The following PLXNC1 variants were observed in gnomAD, a reference collection of about 807,000 sequenced individuals.
PLXNC1 encodes plexin-C1.
In PLXNC1, 75 loss-of-function variants were observed where a neutral mutation model predicts 178.2. The observed-to-expected ratio is 0.42, with a 90% confidence interval of 0.35 to 0.51. The LOEUF is 0.51. PLXNC1 is among the 20% of genes least tolerant of loss of function. PLXNC1 has a pLI of 0.02. For missense variants in PLXNC1, 1,503 were observed against 1,984.4 expected (o/e 0.76, Z 4.61); for synonymous variants, 790 against 779.9 (o/e 1.01, Z -0.22).
At position 94,223,761 on chromosome 12, in the gene PLXNC1, C is replaced by T. The variant is rs192826513; in HGVS notation, c.1703-467C>T. 1.4e-3 allele frequency among the ~76,000 whole-genome samples: 220 copies of T among 152,218 alleles called. 3 individuals carry two copies. The highest frequency in any genetic ancestry group is 2.9e-3 in the East Asian group (15 of 5,190). On this transcript the variant is annotated intron_variant, in intron 6 of 30. Coordinates refer to ENST00000258526, the MANE Select transcript of PLXNC1 (RefSeq NM_005761.3). ...CCCCAAGAAGATCGTGGAACCCAGC[C>T]CATGGAAACTACACTTTAGAGTATG...
Position 94,252,184 on chromosome 12 carries a change from A to G in PLXNC1, c.2881+656A>G, listed in dbSNP as rs192657321. 2.0e-4 allele frequency among the ~76,000 whole-genome samples: 30 copies of G among 152,158 alleles called. No individual in the cohort carries two copies. The East Asian group carries it at 3.1e-3, about 16-fold the overall frequency. ...TTCTCTGGGATTTTGGGCTCCCAGG[A>G]CTTGGTTATTTCATCTTGACCACCC... On this transcript the variant is annotated intron_variant, in intron 15 of 30. Transcript: ENST00000258526.
intron 9 of PLXNC1, 62 bp from the exon 10 acceptor site, chr12:94,237,602 T>A: frequency 6.7e-7 from 1 of 1,501,448 alleles, no homozygotes; most frequent in Admixed American, 1.8e-5. Context: ...ATAAACAGAT[T>A]TTTTTGGAGC....
intron 23 of PLXNC1, among the ~76,000 whole-genome samples, chr12:94,293,028 C>T (rs762443920): frequency 4.6e-5 from 7 of 152,140 alleles, no homozygotes; most frequent in Non-Finnish European, 8.8e-5. Flanking sequence ...AAATATCTAA[C>T]ATGATAGTTT....
intron 4 of PLXNC1, among the ~76,000 whole-genome samples, chr12:94,203,049 C>T (rs1963189301): frequency 6.6e-6 from 1 of 152,044 alleles, no homozygotes; most frequent in Non-Finnish European, 1.5e-5. Flanking sequence ...AGCGGGAGAC[C>T]TCATTTGGCT....
Position 94,306,700 on chromosome 12 carries a change from G to C in PLXNC1, c.*1415G>C, listed in dbSNP as rs1969057262. ...TGAAATCATTTACCAACACTGTATG[G>C]AGCATTAGGATTTAAATATGAATTT... On this transcript the variant is annotated 3_prime_UTR_variant, in exon 31 of 31. Transcript: ENST00000258526. 1 of 152,130 alleles carries C rather than the reference G, an allele frequency of 6.6e-6. No homozygotes were observed. Among genetic ancestry groups the C allele is most frequent in the Non-Finnish European group, 1.5e-5 (1 of 68,032 alleles). The allele number at this position is 152,130 out of a possible 1,614,324, so 9.4% of individuals were successfully genotyped here. A position where few individuals can be genotyped will look rare whatever the true frequency, so the allele number is the denominator to read the frequency against.
chr12:94,149,604 G>T lies in PLXNC1; in HGVS notation c.633G>T (p.Glu211Asp). 2 of 1,579,658 alleles carry T rather than the reference G, an allele frequency of 1.3e-6. No homozygotes were observed. The change falls in exon 1 of 31, where the codon GAG becomes GAT. Residue 211 changes from glutamate to aspartate, a missense_variant. Transcript: ENST00000258526. ...CGGCCATCGCGCTCAAGGACACGGA[G>T]GGGCGCAGCCTGGCCACGCAGGAGC... is the stretch of plus-strand genomic sequence containing the variant. ...HDTAIALKDT[E>D]GRSLATQELG...
intron 5 of PLXNC1, among the ~76,000 whole-genome samples, chr12:94,210,726 T>C (rs955979833): frequency 6.6e-6 from 1 of 152,222 alleles, no homozygotes; most frequent in African/African-American, 2.4e-5. Flanking sequence ...TTTAAAGTTA[T>C]TTGGCTGTTG....
intron 2 of PLXNC1, among the ~76,000 whole-genome samples, chr12:94,175,558 G>T (rs981901882): frequency 2.6e-5 from 4 of 152,130 alleles, no homozygotes; most frequent in Non-Finnish European, 5.9e-5. Context: ...AAATCCCAAG[G>T]CTCGTTAATA....
chr12:94,190,613 C>T (rs560640749), intron 4 of PLXNC1, among the ~76,000 whole-genome samples: 1 of 152,174 alleles, frequency 6.6e-6, no homozygotes, highest in Non-Finnish European at 1.5e-5. Context: ...CATTTAAAAT[C>T]CAAATCAGAT....
chr12:94,150,461 C>G (rs1357187090), intron 1 of PLXNC1, among the ~76,000 whole-genome samples: 4 of 152,214 alleles, frequency 2.6e-5, no homozygotes, highest in Non-Finnish European at 4.4e-5. Context: ...CAACAGTTAG[C>G]AACACAGTGC....
In PLXNC1 at chr12:94,281,237, C is replaced by T. The variant is rs377149359; in HGVS notation, c.3776-1061C>T. Among the ~76,000 whole-genome samples the T allele has an allele frequency of 1.1e-4, 16 of 152,258 alleles. 1 individual carries two copies. The South Asian group carries it at 3.3e-3, about 32-fold the overall frequency. On this transcript the variant is annotated intron_variant, in intron 22 of 30. Coordinates refer to ENST00000258526, the MANE Select transcript of PLXNC1 (RefSeq NM_005761.3). ...GAGGTTGCAGTGAGCCCAGATTGCG[C>T]CACTGTACTCCAGCCTGGGCAATGG...
At chr12:94,294,426 G>A in intron 23 of PLXNC1, 60 bp from the exon 24 acceptor site, 2 of 718,630 alleles carry the variant, frequency 2.8e-6, no homozygotes, top group Admixed American at 2.3e-5. Context: ...TAATTCCTGG[G>A]TGAAGTTGAG....
chr12:94,293,931 TCTTATAAGGGCACTA>T (rs1415051838), intron 23 of PLXNC1, among the ~76,000 whole-genome samples: 1 of 152,030 alleles, frequency 6.6e-6, no homozygotes, highest in Non-Finnish European at 1.5e-5. Flanking sequence ...TGGTGTCTCT[TCTTATAAGGGCACTA>T]TTCCCATCAT....
chr12:94,262,053 C>T (rs957701997), intron 20 of PLXNC1, among the ~76,000 whole-genome samples: 1 of 152,110 alleles, frequency 6.6e-6, no homozygotes, highest in Non-Finnish European at 1.5e-5. Context: ...TTGCTTTAGC[C>T]ACAACAGCTG....
chr12:94,301,512 A>T (rs1968464134), intron 28 of PLXNC1, among the ~76,000 whole-genome samples: 1 of 152,238 alleles, frequency 6.6e-6, no homozygotes, highest in Non-Finnish European at 1.5e-5. Flanking sequence ...TAATCAAAGC[A>T]TGAGTACTGT....
chr12:94,227,133 A>T lies in PLXNC1; in HGVS notation c.1894-16A>T. On this transcript the variant is annotated splice_polypyrimidine_tract_variant and intron_variant, in intron 8 of 30. Transcript: ENST00000258526. ...TACCACCCATCTGGATGTTGAAGGG[A>T]TGTTCTCCATTCCAGGAACAGTGTC... 2.0e-6 allele frequency: 3 copies of T among 1,532,680 alleles called. No individual in the cohort carries two copies. Among genetic ancestry groups the T allele is most frequent in the Non-Finnish European group, 2.7e-6 (3 of 1,105,828 alleles). 94.9% of individuals were successfully genotyped at this position (1,532,680 alleles called of 1,614,324 possible).
At chr12:94,166,118 C>A (rs1961598305) in intron 1 of PLXNC1, among the ~76,000 whole-genome samples, 1 of 152,084 alleles carries the variant, frequency 6.6e-6, no homozygotes, top group South Asian at 2.1e-4. Flanking sequence ...TCATTGCTGT[C>A]TGAACAAAAT....
intron 4 of PLXNC1, among the ~76,000 whole-genome samples, chr12:94,192,009 A>G (rs1962745141): frequency 6.6e-6 from 1 of 152,184 alleles, no homozygotes; most frequent in African/African-American, 2.4e-5. Flanking sequence ...TTTCCACAAA[A>G]CTGGCAATCC....
intron 1 of PLXNC1, among the ~76,000 whole-genome samples, chr12:94,161,075 T>G (rs1393442308): frequency 6.6e-6 from 1 of 152,192 alleles, no homozygotes; most frequent in Non-Finnish European, 1.5e-5. Flanking sequence ...TAGAGCTCCC[T>G]GGAATAAAGA....
Sources: gnomAD v4.1 joint callset for allele counts (sites outside exome capture counted in the v4.1 genomes callset) on GRCh38, gnomAD v4.1.1 for gene constraint, MANE v1.5 for transcripts, NCBI Gene and HGNC (gene_info 2026-07-23, HGNC 2026-07-21) for gene names.